The following DOCK3 variants were observed in gnomAD, a reference collection of about 807,000 sequenced individuals.
DOCK3 encodes the protein dedicator of cytokinesis 3, also known as dedicator of cytokinesis protein 3.
In DOCK3, 60 loss-of-function variants were observed where a neutral mutation model predicts 265.6. The ratio of observed to expected loss-of-function variants is 0.23; its 90% CI spans 0.18 to 0.28. The LOEUF is 0.28. Among genes scored for constraint, DOCK3 ranks in the 10% least tolerant of loss-of-function variants. DOCK3 has a pLI of 1.00. For synonymous variants in DOCK3, 881 were observed against 938.0 expected, an observed-to-expected ratio of 0.94 and a Z score of 1.11; for missense variants, 1,981 against 2,594.3, an observed-to-expected ratio of 0.76 and a Z score of 5.14.
intron 3 of DOCK3, among the ~76,000 whole-genome samples, chr3:50,888,714 A>G (rs2048474525): frequency 6.6e-6 from 1 of 152,184 alleles, no homozygotes; most frequent in South Asian, 2.1e-4. Context: ...CCGCATATCT[A>G]CAACTATCTG....
intron 22 of DOCK3, among the ~76,000 whole-genome samples, chr3:51,253,190 A>G (rs2079355914): frequency 6.6e-6 from 1 of 152,258 alleles, no homozygotes; most frequent in Admixed American, 6.5e-5. Flanking sequence ...ATGTTGAACC[A>G]GCCTTGCATC....
intron 7 of DOCK3, among the ~76,000 whole-genome samples, chr3:51,087,711 A>G (rs2082479144): frequency 6.6e-6 from 1 of 152,186 alleles, no homozygotes; most frequent in African/African-American, 2.4e-5. Flanking sequence ...TGTAGATGAT[A>G]TAATCTTATA....
intron 22 of DOCK3, among the ~76,000 whole-genome samples, chr3:51,255,495 C>T (rs999701822): frequency 3.3e-5 from 5 of 152,240 alleles, no homozygotes; most frequent in African/African-American, 1.2e-4. Context: ...CCGTCACTTT[C>T]AGGTACACCA....
At chr3:51,229,962 A>G (rs2090478034) in intron 19 of DOCK3, among the ~76,000 whole-genome samples, 1 of 152,182 alleles carries the variant, frequency 6.6e-6, no homozygotes, top group South Asian at 2.1e-4. Flanking sequence ...TGTATTCCGC[A>G]TATAAGTGTG....
At chr3:50,758,374 C>T (rs920567424) in intron 1 of DOCK3, among the ~76,000 whole-genome samples, 1 of 150,950 alleles carries the variant, frequency 6.6e-6, no homozygotes, top group African/African-American at 2.4e-5. Context: ...ATATTTTGTC[C>T]TCATTTTCAA....
At chr3:50,752,461 A>G (rs2039882212) in intron 1 of DOCK3, among the ~76,000 whole-genome samples, 1 of 151,590 alleles carries the variant, frequency 6.6e-6, no homozygotes, top group Non-Finnish European at 1.5e-5. Context: ...GTGAGCTGAG[A>G]TCACGCCACT....
intron 16 of DOCK3, 71 bp from the exon 17 acceptor site, chr3:51,227,911 G>A: frequency 1.4e-6 from 2 of 1,446,854 alleles, no homozygotes; most frequent in Non-Finnish European, 1.9e-6. Context: ...TAGGTGATAA[G>A]CACAAGGAGA....
At position 51,381,181 on chromosome 3, in the gene DOCK3, G is replaced by A. The variant is rs782303007; in HGVS notation, c.5715G>A (p.Ser1905=). ...GTGAGAGTAACTTTGGGCACTCCTC[G>A]GAGGCCCCACCTCGCACTGACACCA... is the stretch of plus-strand genomic sequence containing the variant. ...SLSESNFGHS[S]EAPPRTDTMD... Residue 1905 remains serine, a synonymous_variant, in exon 53 of 53, where the codon TCG becomes TCA. Transcript: ENST00000266037. This position sits in a 1 kb window ranked among gnomAD's most constrained non-coding sequence, Gnocchi z 5.6. The A allele has an allele frequency of 3.0e-5, 49 of 1,613,754 alleles. No individual in the cohort carries two copies. The highest frequency in any genetic ancestry group is 1.6e-4 in the Middle Eastern group (1 of 6,084).
At chr3:51,305,761 T>TGTGTGTGTGTG (rs779031609) in intron 27 of DOCK3, among the ~76,000 whole-genome samples, 2 of 149,352 alleles carry the variant, frequency 1.3e-5, no homozygotes, top group African/African-American at 4.9e-5. Context: ...TGTGTGTGTG[T>TGTGTGTGTGTG]TTTTATTATA....
At chr3:51,125,790 TA>T (rs940121891) in intron 9 of DOCK3, among the ~76,000 whole-genome samples, 1 of 152,098 alleles carries the variant, frequency 6.6e-6, no homozygotes, top group Non-Finnish European at 1.5e-5. Context: ...GGAATGAAGT[TA>T]AAAAGAACAA....
At chr3:50,693,877 T>TA (rs2035432572) in intron 1 of DOCK3, among the ~76,000 whole-genome samples, 1 of 152,036 alleles carries the variant, frequency 6.6e-6, no homozygotes, top group African/African-American at 2.4e-5. Context: ...TATACAGAAA[T>TA]ACAACTGGTT....
At chr3:50,836,280 C>T (rs1182219272) in intron 2 of DOCK3, among the ~76,000 whole-genome samples, 1 of 152,212 alleles carries the variant, frequency 6.6e-6, no homozygotes, top group East Asian at 1.9e-4. Flanking sequence ...AGAGGTTCTC[C>T]ATGAGGGCTC....
chr3:51,355,104 C>T (rs994975134), intron 41 of DOCK3, 81 bp downstream of exon 41: 6 of 1,515,270 alleles, frequency 4.0e-6, no homozygotes, highest in Non-Finnish European at 5.3e-6. Flanking sequence ...CCCTTTACCA[C>T]ATTGCCAACC....
At chr3:50,818,968 A>G (rs553830703) in intron 2 of DOCK3, among the ~76,000 whole-genome samples, 1 of 152,194 alleles carries the variant, frequency 6.6e-6, no homozygotes, top group Non-Finnish European at 1.5e-5. Context: ...TCCTGGGCTC[A>G]TAATTCTAAA....
chr3:50,730,256 C>T (rs1267918341), intron 1 of DOCK3, among the ~76,000 whole-genome samples: 1 of 152,148 alleles, frequency 6.6e-6, no homozygotes, highest in Non-Finnish European at 1.5e-5. Flanking sequence ...ATTCTCCTGC[C>T]TCAGCCTCCC....
At chr3:50,990,568 C>G (rs1453726867) in intron 5 of DOCK3, among the ~76,000 whole-genome samples, 1 of 152,106 alleles carries the variant, frequency 6.6e-6, no homozygotes, top group Admixed American at 6.5e-5. Context: ...TTAGGGTTCT[C>G]TAGAGGGACA....
At chr3:50,939,748 A>G (rs973480636) in intron 5 of DOCK3, among the ~76,000 whole-genome samples, 1 of 152,174 alleles carries the variant, frequency 6.6e-6, no homozygotes, top group African/African-American at 2.4e-5. Flanking sequence ...AAGGATATTT[A>G]TAAAAACCCA....
intron 1 of DOCK3, among the ~76,000 whole-genome samples, chr3:50,709,685 G>T (rs2036632475): frequency 6.6e-6 from 1 of 152,118 alleles, no homozygotes; most frequent in Admixed American, 6.5e-5. Flanking sequence ...AACTAGCTGG[G>T]TGTTGTGGTG....
Position 51,350,300 on chromosome 3 carries a change from A to G in DOCK3, c.4015A>G (p.Ser1339Gly). The change falls in exon 40 of 53, where the codon AGC becomes GGC. Residue 1339 changes from serine to glycine, a missense_variant. Coordinates refer to ENST00000266037, the MANE Select transcript of DOCK3 (RefSeq NM_004947.5). Reference sequence around the variant, plus strand: ...TTCTCATTCACAGAAAATGGAGGCCAGCTACTATGACAACATTATGGAGCA... The same window carrying G: ...TTCTCATTCACAGAAAATGGAGGCCGGCTACTATGACAACATTATGGAGCA... ...SLSWIRKMEASYYDNIMEQQR... is the reference protein window; with the variant it reads ...SLSWIRKMEAGYYDNIMEQQR... 6.2e-7 allele frequency: 1 copy of G among 1,602,498 alleles called. No individual in the cohort carries two copies. Among genetic ancestry groups the G allele is most frequent in the Non-Finnish European group, 8.5e-7 (1 of 1,177,084 alleles).
Sources: gnomAD v4.1 joint callset for allele counts (sites outside exome capture counted in the v4.1 genomes callset) on GRCh38, gnomAD v4.1.1 for gene constraint, Gnocchi (gnomAD v3.1) non-coding constraint, MANE v1.5 for transcripts, NCBI Gene and HGNC (gene_info 2026-07-23, HGNC 2026-07-21) for gene names.